Variants in ZNF225 observed in about 807,000 individuals in gnomAD.
The protein encoded by ZNF225 is zinc finger protein 225.
ZNF225 carries 6 observed loss-of-function variants against 12.0 expected under a neutral mutation model. The observed-to-expected ratio is 0.50, with a 90% CI of 0.27 to 0.98. The LOEUF is 0.98. ZNF225 is among the 50% of genes least tolerant of loss of function. ZNF225 has a pLI of 0.11. For synonymous variants in ZNF225, 271 were observed against 283.2 expected (o/e 0.96, Z 0.43); for missense variants, 763 against 848.2 (o/e 0.90, Z 1.25).
intron 4 of ZNF225, chr19:44,129,500 G>A (rs1024358745): frequency 1.9e-5 from 3 of 154,340 alleles, no homozygotes; most frequent in Non-Finnish European, 2.9e-5. Flanking sequence ...GACATTAGAC[G>A]GGAGGAGAGC....
chr19:44,132,273 T>C lies in ZNF225; in HGVS notation c.1659T>C (p.Phe553=). Residue 553 remains phenylalanine, a synonymous_variant, in exon 5 of 5, where the codon TTT becomes TTC. Coordinates refer to ENST00000262894, the MANE Select transcript of ZNF225 (RefSeq NM_013362.4). ...EECGKGFNSK[F]NLDMHQRVHT... ...GTGGGAAGGGCTTCAACAGTAAGTT[T>C]AATCTTGACATGCACCAGAGGGTCC... 6.2e-7 allele frequency: 1 copy of C among 1,612,208 alleles called. No individual in the cohort carries two copies. Among genetic ancestry groups the C allele is most frequent in the Non-Finnish European group, 8.5e-7 (1 of 1,179,560 alleles).
At position 44,130,814 on chromosome 19, in the gene ZNF225, T is replaced by A. The variant is rs192502006; in HGVS notation, c.236-36T>A. On this transcript the variant is annotated intron_variant, in intron 4 of 4. Coordinates refer to ENST00000262894, the MANE Select transcript of ZNF225 (RefSeq NM_013362.4). ...TCTTGATAACACTGAATAAAAGCTT[T>A]ACTTGCCCACATCTCTTAATTCTGT... The A allele has an allele frequency of 8.7e-5, 136 of 1,557,002 alleles. No homozygotes were observed. In the African/African-American group the frequency reaches 1.7e-3, roughly 20 times the overall value.
At position 44,131,462 on chromosome 19, in the gene ZNF225, C is replaced by A; in HGVS notation, c.848C>A (p.Thr283Asn). ...SQLQEHQRIH[T>N]GEKPFKCDIC... ...CTTCAGGAACATCAAAGAATCCATA[C>A]TGGGGAGAAGCCATTCAAATGTGAT... The change falls in exon 5 of 5, where the codon ACT becomes AAT. Residue 283 changes from threonine (T) to asparagine (N), a missense_variant. Thr to Asn is a moderately conservative substitution (Grantham distance 65). Coordinates refer to ENST00000262894, the MANE Select transcript of ZNF225 (RefSeq NM_013362.4). The A allele has an allele frequency of 6.2e-7, 1 of 1,614,108 alleles. No homozygotes were observed. Among genetic ancestry groups the A allele is most frequent in the African/African-American group, 1.3e-5 (1 of 75,004 alleles).
Position 44,133,896 on chromosome 19 carries a change from T to C in ZNF225, c.*1161T>C, listed in dbSNP as rs188792605. 2.5e-3 allele frequency: 382 copies of C among 151,958 alleles called. 3 individuals carry two copies. Among genetic ancestry groups the C allele is most frequent in the African/African-American group, 8.9e-3 (369 of 41,360 alleles). 9.4% of individuals were successfully genotyped at this position (151,958 alleles called of 1,614,324 possible). ...CTACTAGAGATAGATTTGATTTTTA[T>C]AATCAAATCTACTAGAGATAGATTT... On this transcript the variant is annotated 3_prime_UTR_variant, in exon 5 of 5. Coordinates refer to ENST00000262894, the MANE Select transcript of ZNF225 (RefSeq NM_013362.4).
chr19:44,122,940 C>T (rs371993155), intron 4 of ZNF225, among the ~76,000 whole-genome samples: 32 of 152,106 alleles, frequency 2.1e-4, no homozygotes, highest in South Asian at 1.0e-3. Flanking sequence ...ATATCATTAG[C>T]GAACAGTGAC....
Position 44,133,118 on chromosome 19 carries a change from A to G in ZNF225, c.*383A>G, listed in dbSNP as rs1484983541. Reference sequence around the variant, plus strand: ...TATCTTTCTGTGCCTGGCATATATCACTTAATATAATGCCCTGTAAGTCTC... The same window carrying G: ...TATCTTTCTGTGCCTGGCATATATCGCTTAATATAATGCCCTGTAAGTCTC... On this transcript the variant is annotated 3_prime_UTR_variant, in exon 5 of 5. Transcript: ENST00000262894. 1 of 165,174 alleles carries G rather than the reference A, an allele frequency of 6.1e-6. No homozygotes were observed. The highest frequency in any genetic ancestry group is 1.3e-5 in the Non-Finnish European group (1 of 75,446). 10.2% of individuals were successfully genotyped at this position (165,174 alleles called of 1,614,324 possible). A position where few individuals can be genotyped will look rare whatever the true frequency, so the allele number is the denominator to read the frequency against.
At chr19:44,114,172 C>A in intron 1 of ZNF225, 2 of 1,006,254 alleles carry the variant, frequency 2.0e-6, no homozygotes, top group South Asian at 2.7e-5. Flanking sequence ...TCCAAAAGAG[C>A]TGCAGGGAGG....
rs756366760 is a variant in ZNF225 at position 44,132,392 on chromosome 19, A to T, written c.1778A>T (p.Glu593Val). 6.2e-7 allele frequency: 1 copy of T among 1,613,992 alleles called. No individual in the cohort carries two copies. Among genetic ancestry groups the T allele is most frequent in the Non-Finnish European group, 8.5e-7 (1 of 1,179,996 alleles). Residue 593 changes from glutamate to valine, a missense_variant, in exon 5 of 5, where the codon GAA (glutamate) becomes GTA (valine). Glu to Val is a moderately radical substitution (Grantham distance 121). Transcript: ENST00000262894. ...AATCATAAGAGACTCCATGGTGATGAAAAGCCATTCAAATGTGAAGAGTGT... is the reference window on the plus strand; with the variant it reads ...AATCATAAGAGACTCCATGGTGATGTAAAGCCATTCAAATGTGAAGAGTGT... ...ILNHKRLHGD[E>V]KPFKCEECGK...
chr19:44,123,580 T>C (rs1057106086), intron 4 of ZNF225, among the ~76,000 whole-genome samples: 1 of 152,188 alleles, frequency 6.6e-6, no homozygotes, highest in Non-Finnish European at 1.5e-5. Context: ...TCAATTCTTC[T>C]TTGAGTGTCT....
intron 4 of ZNF225, among the ~76,000 whole-genome samples, chr19:44,123,357 G>T (rs1968088156): frequency 6.6e-6 from 1 of 152,026 alleles, no homozygotes; most frequent in Non-Finnish European, 1.5e-5. Context: ...TGATCATGAT[G>T]GATTATCTTT....
At position 44,130,885 on chromosome 19, in the gene ZNF225, G is replaced by C; in HGVS notation, c.271G>C (p.Glu91Gln). The change falls in exon 5 of 5, where the codon GAA becomes CAA. Residue 91 changes from glutamate to glutamine, a missense_variant. Physicochemically the swap from Glu to Gln is conservative, Grantham distance 29. Coordinates refer to ENST00000262894, the MANE Select transcript of ZNF225 (RefSeq NM_013362.4). ...KIQMEMETVSESGTHEGLFSH... is the reference protein window; with the variant it reads ...KIQMEMETVSQSGTHEGLFSH... ...CCAAATGGAGATGGAGACTGTTTCA[G>C]AATCAGGAACACATGAAGGCTTGTT... The C allele has an allele frequency of 1.2e-6, 2 of 1,613,482 alleles. No individual in the cohort carries two copies. Among genetic ancestry groups the C allele is most frequent in the Non-Finnish European group, 1.7e-6 (2 of 1,179,728 alleles).
chr19:44,121,636 AAC>A (rs1968059111), intron 4 of ZNF225, among the ~76,000 whole-genome samples: 1 of 152,248 alleles, frequency 6.6e-6, no homozygotes, highest in Non-Finnish European at 1.5e-5. Flanking sequence ...TTCCCTGAAC[AAC>A]ACATCCATGC....
rs930141074 is a variant in ZNF225, at chr19:44,133,877, G to T, written c.*1142G>T. ...TTGATTTTTATAATCAAATCTACTAGAGATAGATTTGATTTTTATAATCAA... is the reference window on the plus strand; with the variant it reads ...TTGATTTTTATAATCAAATCTACTATAGATAGATTTGATTTTTATAATCAA... On this transcript the variant is annotated 3_prime_UTR_variant, in exon 5 of 5. Transcript: ENST00000262894. The T allele has an allele frequency of 1.4e-5, 2 of 146,490 alleles. No homozygotes were observed. The highest frequency in any genetic ancestry group is 3.6e-3 in the Middle Eastern group (1 of 280). 9.1% of individuals were successfully genotyped at this position (146,490 alleles called of 1,614,324 possible). A position where few individuals can be genotyped will look rare whatever the true frequency, so the allele number is the denominator to read the frequency against.
intron 4 of ZNF225, chr19:44,130,465 G>C (rs1968222690): frequency 6.2e-6 from 1 of 162,326 alleles, no homozygotes; most frequent in South Asian, 1.7e-4. Context: ...TTGGGAGGCT[G>C]AGGAGGGCGG....
chr19:44,117,643 C>T (rs1264623713), intron 2 of ZNF225, among the ~76,000 whole-genome samples: 2 of 152,204 alleles, frequency 1.3e-5, no homozygotes, highest in Non-Finnish European at 2.9e-5. Context: ...AGTAAACCTA[C>T]AGGAGGTCTT....
At chr19:44,111,680 G>A (rs1429534954), upstream of ZNF225, among the ~76,000 whole-genome samples, 2 of 152,212 alleles carry the variant, frequency 1.3e-5, no homozygotes, top group African/African-American at 4.8e-5. Context: ...CTAAGCAAAG[G>A]GAGTTAGAAA....
intron 4 of ZNF225, among the ~76,000 whole-genome samples, chr19:44,119,266 T>C (rs1968008149): frequency 6.6e-6 from 1 of 152,184 alleles, no homozygotes; most frequent in South Asian, 2.1e-4. Flanking sequence ...CCCTACCGTT[T>C]CTCTGACCTG....
At chr19:44,112,604 C>G (rs1967854704), upstream of ZNF225, among the ~76,000 whole-genome samples, 1 of 152,100 alleles carries the variant, frequency 6.6e-6, no homozygotes, top group African/African-American at 2.4e-5. Context: ...AGGAAAAAAG[C>G]TTTTTGGTTG....
chr19:44,124,139 G>T (rs1045655620), intron 4 of ZNF225, among the ~76,000 whole-genome samples: 2 of 152,088 alleles, frequency 1.3e-5, no homozygotes, highest in Non-Finnish European at 2.9e-5. Flanking sequence ...TCTTTTTGAT[G>T]TAGGCATTTA....
Sources: allele counts gnomAD v4.1 joint callset (sites outside exome capture counted in the v4.1 genomes callset), GRCh38; gene constraint gnomAD v4.1.1; transcripts MANE v1.5; gene names NCBI Gene and HGNC (gene_info 2026-07-23, HGNC 2026-07-21).